Variants in ZBTB7C observed in about 807,000 individuals in gnomAD.
ZBTB7C encodes the protein zinc finger and BTB domain containing 7C.
Under a neutral mutation model 25.7 loss-of-function variants are expected in ZBTB7C, and 8 were observed. That is an observed-to-expected ratio of 0.31 (90% CI 0.18 to 0.56). The LOEUF (loss-of-function observed/expected upper bound fraction) is 0.56. ZBTB7C is among the 20% of genes least tolerant of loss of function. ZBTB7C has a pLI of 0.91. For synonymous variants in ZBTB7C, 394 were observed against 369.0 expected (o/e 1.07, Z -0.78); for missense variants, 824 against 855.2 (o/e 0.96, Z 0.46).
At chr18:48,351,970 C>T (rs907813390) in intron 1 of ZBTB7C, among the ~76,000 whole-genome samples, 4 of 152,104 alleles carry the variant, frequency 2.6e-5, no homozygotes, top group East Asian at 1.9e-4. Context: ...CTAGAGATAC[C>T]CCACCCTCTG....
chr18:48,075,560 T>G (rs2037731153), intron 3 of ZBTB7C, among the ~76,000 whole-genome samples: 1 of 152,132 alleles, frequency 6.6e-6, no homozygotes, highest in African/African-American at 2.4e-5. Context: ...TGCACAGTTT[T>G]GGGTTGATTG....
intron 2 of ZBTB7C, among the ~76,000 whole-genome samples, chr18:48,313,666 G>C (rs1236875073): frequency 1.3e-5 from 2 of 152,098 alleles, no homozygotes; most frequent in East Asian, 3.8e-4. Flanking sequence ...TGCAATCTCC[G>C]GGGCATGGGT....
intron 2 of ZBTB7C, among the ~76,000 whole-genome samples, chr18:48,229,671 G>C (rs544656116): frequency 2.2e-4 from 34 of 152,292 alleles, no homozygotes; most frequent in African/African-American, 6.7e-4. Flanking sequence ...CACTTTATCT[G>C]TCTTTATTTC....
intron 3 of ZBTB7C, among the ~76,000 whole-genome samples, chr18:48,093,553 T>G (rs548217191): frequency 6.6e-6 from 1 of 152,026 alleles, no homozygotes; most frequent in South Asian, 2.1e-4. Flanking sequence ...TGGCCCACAA[T>G]CCAGCTATGT....
At chr18:48,108,562 T>G (rs572913337) in intron 3 of ZBTB7C, among the ~76,000 whole-genome samples, 1 of 152,110 alleles carries the variant, frequency 6.6e-6, no homozygotes, top group Admixed American at 6.5e-5. Context: ...GCCTCCCAGA[T>G]AGTTAGGACT....
At chr18:48,296,019 C>G (rs2045378333) in intron 2 of ZBTB7C, among the ~76,000 whole-genome samples, 1 of 152,236 alleles carries the variant, frequency 6.6e-6, no homozygotes, top group South Asian at 2.1e-4. Flanking sequence ...TCCACTGGTA[C>G]CTCACAGTCA....
chr18:48,208,117 G>A (rs577147106), intron 2 of ZBTB7C, among the ~76,000 whole-genome samples: 1 of 152,250 alleles, frequency 6.6e-6, no homozygotes, highest in South Asian at 2.1e-4. Context: ...GTATAATGAG[G>A]GTTGAGAGCT....
At chr18:48,263,007 G>C (rs2044214245) in intron 2 of ZBTB7C, among the ~76,000 whole-genome samples, 1 of 152,188 alleles carries the variant, frequency 6.6e-6, no homozygotes, top group Admixed American at 6.5e-5. Flanking sequence ...ACCTGCACCT[G>C]GCCTGGCCCA....
intron 2 of ZBTB7C, among the ~76,000 whole-genome samples, chr18:48,289,898 C>T (rs1337617103): frequency 3.9e-5 from 6 of 152,104 alleles, no homozygotes; most frequent in Non-Finnish European, 7.4e-5. Flanking sequence ...GAGACAGATA[C>T]AACGTGGATT....
At position 48,141,766 on chromosome 18, in the gene ZBTB7C, G is replaced by C. The variant is rs1040364261; in HGVS notation, c.-17+44168C>G. ...AATTAAATTTTGAGGAAAACTGAAA[G>C]AAAATGGAACCAGCTCAAGGGAGGA... On this transcript the variant is annotated intron_variant, in intron 3 of 4. Transcript: ENST00000590800. 3.3e-5 allele frequency among the ~76,000 whole-genome samples: 5 copies of C among 152,310 alleles called. No homozygotes were observed. The East Asian group carries it at 5.8e-4, about 18-fold the overall frequency.
intron 2 of ZBTB7C, among the ~76,000 whole-genome samples, chr18:48,190,557 G>C (rs1324365229): frequency 6.6e-6 from 1 of 152,140 alleles, no homozygotes; most frequent in Non-Finnish European, 1.5e-5. Flanking sequence ...GGGGCCCTTT[G>C]CAACTCTACC....
intron 2 of ZBTB7C, among the ~76,000 whole-genome samples, chr18:48,195,622 T>C (rs1379649222): frequency 2.0e-5 from 3 of 152,218 alleles, no homozygotes; most frequent in African/African-American, 4.8e-5. Context: ...CTAATACATA[T>C]GGCACTGCCT....
intron 2 of ZBTB7C, among the ~76,000 whole-genome samples, chr18:48,245,209 GA>G (rs1408048977): frequency 2.6e-5 from 4 of 151,280 alleles, no homozygotes; most frequent in African/African-American, 9.7e-5. Flanking sequence ...TATTGTAAGT[GA>G]AGTAACTCAG....
Position 48,040,073 on chromosome 18 carries a change from G to A in ZBTB7C, c.1035C>T (p.Gly345=), listed in dbSNP as rs764256199. The change falls in exon 4 of 5, where the codon GGC becomes GGT. Residue 345 remains glycine (G), a synonymous_variant. Coordinates refer to ENST00000590800, the MANE Select transcript of ZBTB7C (RefSeq NM_001318841.2). Reference sequence around the variant, plus strand: ...CTACCAGGGGCCAGGGTGGGAAGAGGCCTCCCAGGTGGGTGGCACTCAGGA... The same window carrying A: ...CTACCAGGGGCCAGGGTGGGAAGAGACCTCCCAGGTGGGTGGCACTCAGGA... The part of the protein sequence containing the change: ...LNFLSATHLG[G]LFPPWPLVEE... The A allele has an allele frequency of 1.2e-6, 2 of 1,613,026 alleles. No individual in the cohort carries two copies. Among genetic ancestry groups the A allele is most frequent in the Admixed American group, 3.3e-5 (2 of 59,934 alleles).
intron 1 of ZBTB7C, among the ~76,000 whole-genome samples, chr18:48,344,864 T>C (rs1334236248): frequency 6.6e-6 from 1 of 152,236 alleles, no homozygotes; most frequent in Admixed American, 6.5e-5. Context: ...TGTGTTTTTA[T>C]TTATTTGTCA....
intron 2 of ZBTB7C, among the ~76,000 whole-genome samples, chr18:48,242,280 G>T (rs988131066): frequency 6.6e-6 from 1 of 152,090 alleles, no homozygotes; most frequent in African/African-American, 2.4e-5. Context: ...AAGAAGAATT[G>T]GTACCAATCC....
chr18:48,054,574 C>G (rs1201355674), intron 3 of ZBTB7C, among the ~76,000 whole-genome samples: 1 of 152,184 alleles, frequency 6.6e-6, no homozygotes, highest in African/African-American at 2.4e-5. Context: ...CCTCAAAGAT[C>G]CCGGCCCTGC....
intron 3 of ZBTB7C, among the ~76,000 whole-genome samples, chr18:48,116,873 A>C (rs1208444346): frequency 6.6e-6 from 1 of 152,168 alleles, no homozygotes; most frequent in Non-Finnish European, 1.5e-5. Flanking sequence ...TTCTCCTGTC[A>C]CGCTATGAGT....
intron 2 of ZBTB7C, among the ~76,000 whole-genome samples, chr18:48,264,042 C>T (rs1306852811): frequency 2.0e-5 from 3 of 152,146 alleles, no homozygotes; most frequent in Non-Finnish European, 2.9e-5. Flanking sequence ...TACTCTATAA[C>T]CTAGTAATCC....
Sources: allele counts gnomAD v4.1 joint callset (sites outside exome capture counted in the v4.1 genomes callset), GRCh38; gene constraint gnomAD v4.1.1; transcripts MANE v1.5; gene names NCBI Gene and HGNC (gene_info 2026-07-23, HGNC 2026-07-21).